Variants in DYNC2H1 observed in about 807,000 individuals in gnomAD.
The protein encoded by DYNC2H1 is cytoplasmic dynein 2 heavy chain 1.
A neutral mutation model predicts 570.0 loss-of-function variants in DYNC2H1; 410 were observed. That is an observed-to-expected ratio of 0.72 (90% CI 0.66 to 0.78). DYNC2H1 has a LOEUF of 0.78. Among genes scored for constraint, DYNC2H1 ranks in the 30% least tolerant of loss-of-function variants. The pLI, the probability that DYNC2H1 is intolerant of heterozygous loss-of-function variation, is 0.00. For synonymous variants in DYNC2H1, 1,688 were observed against 1,677.6 expected, an observed-to-expected ratio of 1.01 and a Z score of -0.15; for missense variants, 4,865 against 5,046.4, an observed-to-expected ratio of 0.96 and a Z score of 1.09.
intron 79 of DYNC2H1, among the ~76,000 whole-genome samples, chr11:103,313,822 G>T (rs1381619975): frequency 6.6e-6 from 1 of 152,158 alleles, no homozygotes; most frequent in Non-Finnish European, 1.5e-5. Flanking sequence ...ATAGCATTGT[G>T]TTGTTTCTTA....
rs1944420284 is a variant in DYNC2H1 at position 103,446,219 on chromosome 11, C to CA, written c.12457-8966dup. Among the ~76,000 whole-genome samples the CA allele has an allele frequency of 6.6e-6, 1 of 152,144 alleles. No homozygotes were observed. The stretch of plus-strand genomic sequence containing the variant: ...GAAATAGAAAATTAGCAATTATCAG[C>CA]ATATCAACATAGTGTTTAAAACCAT... On this transcript the variant is annotated intron_variant, in intron 85 of 88. Transcript: ENST00000375735. This position sits in a 1 kb window ranked among gnomAD's most constrained non-coding sequence, Gnocchi z 4.5.
intron 59 of DYNC2H1, among the ~76,000 whole-genome samples, chr11:103,224,649 G>A (rs1863734528): frequency 6.6e-6 from 1 of 152,180 alleles, no homozygotes; most frequent in Non-Finnish European, 1.5e-5. Context: ...TCCACTGGCT[G>A]AATGATGGGC....
At chr11:103,455,815 G>A (rs1351585482) in intron 86 of DYNC2H1, among the ~76,000 whole-genome samples, 1 of 152,082 alleles carries the variant, frequency 6.6e-6, no homozygotes, top group African/African-American at 2.4e-5. Flanking sequence ...ACCACACTCA[G>A]ATTATCATAT....
intron 10 of DYNC2H1, 73 bp downstream of exon 10, chr11:103,121,569 TAG>T: frequency 6.9e-7 from 1 of 1,454,228 alleles, no homozygotes; most frequent in Admixed American, 2.1e-5. Flanking sequence ...GAAGGTACTC[TAG>T]AGCTGTAGTA....
intron 8 of DYNC2H1, 57 bp downstream of exon 8, chr11:103,120,859 A>G: frequency 8.8e-7 from 1 of 1,135,650 alleles, no homozygotes; most frequent in Non-Finnish European, 1.1e-6. Context: ...ATATATATAA[A>G]AATATATATA....
rs1263936683 is a variant in DYNC2H1 at position 103,244,003 on chromosome 11, A to T, written c.9918+212A>T. On this transcript the variant is annotated intron_variant, in intron 64 of 88. Coordinates refer to ENST00000375735, the MANE Select transcript of DYNC2H1 (RefSeq NM_001377.3). This position sits in a 1 kb window ranked among gnomAD's most constrained non-coding sequence, Gnocchi z 4.3. ...TCTGGGTATTGATCTAAGCCCTGGG[A>T]ATTTAATAGTGAGTTCCTTCCCTTA... Among the ~76,000 whole-genome samples, 3 of 152,112 alleles carry T rather than the reference A, an allele frequency of 2.0e-5. No individual in the cohort carries two copies. The highest frequency in any genetic ancestry group is 6.6e-5 in the Admixed American group (1 of 15,252).
chr11:103,136,198 T>G (rs1859536930), intron 17 of DYNC2H1, among the ~76,000 whole-genome samples: 1 of 150,794 alleles, frequency 6.6e-6, no homozygotes, highest in Admixed American at 6.6e-5. Context: ...TTTTTTGGTT[T>G]TTTATTTTTA....
At chr11:103,173,056 A>G (rs1207519360) in intron 34 of DYNC2H1, 26 bp from the exon 35 acceptor site, 1 of 1,104,648 alleles carries the variant, frequency 9.1e-7, no homozygotes, top group Non-Finnish European at 1.2e-6. Context: ...TAATATTTAA[A>G]TTAATATTTT....
At chr11:103,341,543 C>G (rs1188813938) in intron 82 of DYNC2H1, among the ~76,000 whole-genome samples, 2 of 152,102 alleles carry the variant, frequency 1.3e-5, no homozygotes, top group African/African-American at 4.8e-5. Flanking sequence ...TAGACTATCT[C>G]AAAGTGGGGC....
intron 84 of DYNC2H1, chr11:103,402,755 T>G (rs1429388736): frequency 2.6e-5 from 4 of 152,120 alleles, no homozygotes; most frequent in Non-Finnish European, 5.9e-5. Context: ...ATTAAGTGTA[T>G]TAGTAGGTGG....
intron 26 of DYNC2H1, among the ~76,000 whole-genome samples, chr11:103,158,317 C>G (rs1450294942): frequency 6.6e-6 from 1 of 152,102 alleles, no homozygotes; most frequent in Non-Finnish European, 1.5e-5. Flanking sequence ...GGCGCGGTGG[C>G]GGGTGCCTGT....
intron 84 of DYNC2H1, among the ~76,000 whole-genome samples, chr11:103,421,575 A>T (rs1157416371): frequency 1.3e-5 from 2 of 152,194 alleles, no homozygotes; most frequent in Non-Finnish European, 2.9e-5. Flanking sequence ...CCACAACTAC[A>T]TGGGAATTGA....
rs1051806569 is a variant in DYNC2H1 at position 103,203,855 on chromosome 11, A to G, written c.8311+79A>G. The G allele has an allele frequency of 1.7e-4, 159 of 962,118 alleles. No homozygotes were observed. Among genetic ancestry groups the G allele is most frequent in the Admixed American group, 2.5e-4 (9 of 36,172 alleles). The allele number at this position is 962,118 out of a possible 1,614,324, so 59.6% of individuals were successfully genotyped here. ...ATCATTTAATTTGCCTTATTTTGTC[A>G]TTAGATTGCAAAGGTATCTTAAATC... is the stretch of plus-strand genomic sequence containing the variant. On this transcript the variant is annotated intron_variant, in intron 51 of 88. Coordinates refer to ENST00000375735, the MANE Select transcript of DYNC2H1 (RefSeq NM_001377.3). This position sits in a 1 kb window ranked among gnomAD's most constrained non-coding sequence, Gnocchi z 4.7.
intron 54 of DYNC2H1, among the ~76,000 whole-genome samples, chr11:103,213,338 G>A (rs912022538): frequency 1.3e-5 from 2 of 152,110 alleles, no homozygotes; most frequent in Admixed American, 1.3e-4. Context: ...GGTTTAGTGA[G>A]TTACCCCTTG....
At chr11:103,274,036 C>T (rs1282434819) in intron 70 of DYNC2H1, among the ~76,000 whole-genome samples, 2 of 151,964 alleles carry the variant, frequency 1.3e-5, no homozygotes, top group African/African-American at 4.8e-5. Context: ...TGCTTCTGTT[C>T]TTGAACCTAG....
At position 103,135,632 on chromosome 11, in the gene DYNC2H1, C is replaced by G. The variant is rs1266078341; in HGVS notation, c.2343C>G (p.Tyr781Ter). 1.1e-5 allele frequency: 17 copies of G among 1,611,374 alleles called. No individual in the cohort carries two copies. Among genetic ancestry groups the G allele is most frequent in the Non-Finnish European group, 1.3e-5 (15 of 1,179,212 alleles). Residue 781 changes from tyrosine (Y) to a stop codon, truncating the protein, a stop_gained and splice_region_variant, in exon 16 of 89, where the codon TAC (tyrosine) becomes TAG (stop). Coordinates refer to ENST00000375735, the MANE Select transcript of DYNC2H1 (RefSeq NM_001377.3). LOFTEE classifies it high-confidence loss of function. ...NLPEINIDLT[Y>*]KQGRLQFRPP... Reference sequence around the variant, plus strand: ...CAGAAATAAATATAGACTTAACTTACAAGTAAGATGTTTTTTCAACCCCAA... The same window carrying G: ...CAGAAATAAATATAGACTTAACTTAGAAGTAAGATGTTTTTTCAACCCCAA...
chr11:103,438,832 C>T (rs1944154172), intron 85 of DYNC2H1, among the ~76,000 whole-genome samples: 1 of 152,064 alleles, frequency 6.6e-6, no homozygotes, highest in Non-Finnish European at 1.5e-5. Flanking sequence ...ATTCATTTAT[C>T]ATTTTATCAA....
chr11:103,344,801 TTAATA>T (rs1322616030), intron 82 of DYNC2H1, among the ~76,000 whole-genome samples: 1 of 152,208 alleles, frequency 6.6e-6, no homozygotes, highest in African/African-American at 2.4e-5. Context: ...ATATGTAACT[TTAATA>T]TATTAATGAG....
At chr11:103,308,296 A>G (rs2135407489) in intron 78 of DYNC2H1, among the ~76,000 whole-genome samples, 1 of 152,298 alleles carries the variant, frequency 6.6e-6, no homozygotes, top group South Asian at 2.1e-4. Flanking sequence ...ACTTAACATA[A>G]TGTCCTCAAG....
Sources: allele counts gnomAD v4.1 joint callset (sites outside exome capture counted in the v4.1 genomes callset), GRCh38; gene constraint gnomAD v4.1.1; non-coding constraint Gnocchi (gnomAD v3.1); transcripts MANE v1.5; gene names NCBI Gene and HGNC (gene_info 2026-07-23, HGNC 2026-07-21).